The following STAG1 variants were observed in gnomAD, a reference collection of about 807,000 sequenced individuals.
STAG1 encodes cohesin subunit SA-1.
In STAG1, 26 loss-of-function variants were observed where a neutral mutation model predicts 170.9. The ratio of observed to expected loss-of-function variants is 0.15; its 90% CI spans 0.11 to 0.21. The LOEUF is 0.21. STAG1 is among the 10% of genes least tolerant of loss of function. The pLI, the probability that STAG1 is intolerant of heterozygous loss-of-function variation, is 1.00. For missense variants in STAG1, 964 were observed against 1,509.5 expected, an observed-to-expected ratio of 0.64 and a Z score of 5.99; for synonymous variants, 514 against 497.7, an observed-to-expected ratio of 1.03 and a Z score of -0.44.
intron 10 of STAG1, among the ~76,000 whole-genome samples, chr3:136,476,269 A>C (rs1363477132): frequency 6.6e-6 from 1 of 152,198 alleles, no homozygotes; most frequent in African/African-American, 2.4e-5. Flanking sequence ...ACTAAGGACA[A>C]ATCTCAGCAC....
At chr3:136,691,710 C>A (rs1942728391) in intron 1 of STAG1, among the ~76,000 whole-genome samples, 1 of 152,202 alleles carries the variant, frequency 6.6e-6, no homozygotes, top group African/African-American at 2.4e-5. Context: ...TAACTTGTGT[C>A]TTACTAGTTA....
Position 136,378,205 on chromosome 3 carries a change from C to A in STAG1, c.2278-453G>T, listed in dbSNP as rs1206407285. Among the ~76,000 whole-genome samples the A allele has an allele frequency of 2.6e-5, 4 of 151,518 alleles. 1 individual carries two copies. In the South Asian group the frequency reaches 8.3e-4, roughly 31 times the overall value. Reference sequence around the variant, plus strand: ...AAGATAAATTTAAGACAGTGCCATGCCCTCAAATAGTTAACATTCTAGCAG... The same window carrying A: ...AAGATAAATTTAAGACAGTGCCATGACCTCAAATAGTTAACATTCTAGCAG... On this transcript the variant is annotated intron_variant, in intron 22 of 33. Transcript: ENST00000383202.
chr3:136,602,309 G>GCGGAGGTTGCAGCGAGC (rs1175827369), intron 4 of STAG1, among the ~76,000 whole-genome samples: 2 of 151,078 alleles, frequency 1.3e-5, no homozygotes, highest in Non-Finnish European at 1.5e-5. Context: ...AACCTGGGAG[G>GCGGAGGTTGCAGCGAGC]CGGAGGTTGC....
intron 3 of STAG1, among the ~76,000 whole-genome samples, chr3:136,610,789 G>T (rs1939236193): frequency 6.6e-6 from 1 of 152,114 alleles, no homozygotes; most frequent in African/African-American, 2.4e-5. Flanking sequence ...AGTTCTAAGG[G>T]TTTTGACAAA....
chr3:136,600,408 A>G (rs562418980), intron 4 of STAG1, among the ~76,000 whole-genome samples: 1 of 152,256 alleles, frequency 6.6e-6, no homozygotes, highest in Non-Finnish European at 1.5e-5. Context: ...ACTCCTGGCT[A>G]TAAAGCATAT....
intron 5 of STAG1, among the ~76,000 whole-genome samples, chr3:136,542,681 AAAAAGG>A (rs1282749108): frequency 6.6e-6 from 1 of 151,996 alleles, no homozygotes; most frequent in Non-Finnish European, 1.5e-5. Context: ...AAAAAAAAAA[AAAAAGG>A]AAAGAAAGCC....
At position 136,640,097 on chromosome 3, in the gene STAG1, C is replaced by T. The variant is rs79042491; in HGVS notation, c.-83-9116G>A. On this transcript the variant is annotated intron_variant, in intron 1 of 33. Transcript: ENST00000383202. ...GAGTTTGATGATGCAGTGAAAAATTCTCTGGGACCACAATCCAGAATAAAT... is the reference window on the plus strand; with the variant it reads ...GAGTTTGATGATGCAGTGAAAAATTTTCTGGGACCACAATCCAGAATAAAT... Among the ~76,000 whole-genome samples, 17 of 152,288 alleles carry T rather than the reference C, an allele frequency of 1.1e-4. No homozygotes were observed. In the East Asian group the frequency reaches 2.1e-3, roughly 19 times the overall value.
chr3:136,696,365 G>C (rs919491904), intron 1 of STAG1, among the ~76,000 whole-genome samples: 5 of 152,110 alleles, frequency 3.3e-5, no homozygotes, highest in Non-Finnish European at 7.4e-5. Context: ...GTTTAGCTAG[G>C]TATGACAATT....
chr3:136,343,077 C>G (rs749838893), intron 30 of STAG1, among the ~76,000 whole-genome samples: 1 of 152,170 alleles, frequency 6.6e-6, no homozygotes, highest in Non-Finnish European at 1.5e-5. Context: ...CTATTTTCAA[C>G]CTAACTAAAT....
intron 1 of STAG1, among the ~76,000 whole-genome samples, chr3:136,636,184 A>G (rs1346396296): frequency 1.3e-5 from 2 of 151,924 alleles, no homozygotes; most frequent in Non-Finnish European, 2.9e-5. Flanking sequence ...GAAGGCAGAG[A>G]TTGCAGTGAG....
At chr3:136,555,555 C>T (rs1576602464) in intron 5 of STAG1, among the ~76,000 whole-genome samples, 1 of 151,884 alleles carries the variant, frequency 6.6e-6, no homozygotes, top group Non-Finnish European at 1.5e-5. Flanking sequence ...TGGTGGCTCA[C>T]ACCTGTAATT....
intron 4 of STAG1, among the ~76,000 whole-genome samples, chr3:136,603,744 G>A (rs1336760396): frequency 2.0e-5 from 3 of 152,044 alleles, no homozygotes; most frequent in East Asian, 1.9e-4. Flanking sequence ...AAAATTAGCC[G>A]GGCATGGTGG....
At chr3:136,720,079 G>A (rs1031355096) in intron 1 of STAG1, among the ~76,000 whole-genome samples, 1 of 151,790 alleles carries the variant, frequency 6.6e-6, no homozygotes, top group African/African-American at 2.4e-5. Context: ...GGAAGGCTGA[G>A]GTAGGAGAAT....
chr3:136,508,331 A>T (rs568250088), intron 7 of STAG1, among the ~76,000 whole-genome samples: 1 of 152,290 alleles, frequency 6.6e-6, no homozygotes, highest in Admixed American at 6.5e-5. Flanking sequence ...TCATGCAATC[A>T]GTTGAAAGCT....
chr3:136,563,749 G>A (rs1396436277), intron 5 of STAG1, among the ~76,000 whole-genome samples: 5 of 152,016 alleles, frequency 3.3e-5, no homozygotes, highest in East Asian at 1.9e-4. Flanking sequence ...GGCCGGGCAC[G>A]GTGGCTCATG....
chr3:136,391,176 C>T (rs711972), intron 22 of STAG1, among the ~76,000 whole-genome samples: 59,558 of 151,852 alleles, frequency 0.39, 13,887 homozygotes, highest in East Asian at 0.8. Flanking sequence ...GGGTGAGGGT[C>T]CAGAGGTAGG....
At chr3:136,659,737 A>T (rs1221619406) in intron 1 of STAG1, among the ~76,000 whole-genome samples, 3 of 152,248 alleles carry the variant, frequency 2.0e-5, no homozygotes, top group East Asian at 3.8e-4. Context: ...AGTAACGTGC[A>T]AAACTGATAC....
chr3:136,425,668 T>A (rs1484795271), intron 16 of STAG1, among the ~76,000 whole-genome samples: 2 of 151,238 alleles, frequency 1.3e-5, no homozygotes, highest in African/African-American at 4.8e-5. Context: ...TATGAATGTA[T>A]GATTTAAATA....
intron 1 of STAG1, among the ~76,000 whole-genome samples, chr3:136,711,377 T>C (rs145225810): frequency 1.5e-4 from 23 of 152,024 alleles, no homozygotes; most frequent in African/African-American, 4.3e-4. Context: ...CTGAGTAACA[T>C]AGGGAGCTCT....
Sources: gnomAD v4.1 joint callset for allele counts (sites outside exome capture counted in the v4.1 genomes callset) on GRCh38, gnomAD v4.1.1 for gene constraint, MANE v1.5 for transcripts, NCBI Gene and HGNC (gene_info 2026-07-23, HGNC 2026-07-21) for gene names.